The following SLC5A11 variants were observed in gnomAD, a reference collection of about 807,000 sequenced individuals.
SLC5A11 encodes solute carrier family 5 member 11, also known as sodium/myo-inositol cotransporter 2.
Under a neutral mutation model 69.8 loss-of-function variants are expected in SLC5A11, and 48 were observed. The observed-to-expected ratio is 0.69, with a 90% CI of 0.55 to 0.87. The LOEUF (loss-of-function observed/expected upper bound fraction) is 0.87. Among genes scored for constraint, SLC5A11 ranks in the 40% least tolerant of loss-of-function variants. The pLI, the probability that SLC5A11 is intolerant of heterozygous loss-of-function variation, is 0.00. For missense variants in SLC5A11, 784 were observed against 866.1 expected (o/e 0.91, Z 1.19); for synonymous variants, 319 against 342.4 (o/e 0.93, Z 0.75).
chr16:24,904,936 C>T (rs142809063), intron 10 of SLC5A11, among the ~76,000 whole-genome samples: 2,399 of 152,034 alleles, frequency 0.016, 37 homozygotes, highest in Non-Finnish European at 0.024. Context: ...CTCTCCCTCC[C>T]CTTGCCCTCC....
chr16:24,911,270 C>A, intron 15 of SLC5A11, 58 bp from the exon 17 acceptor site: 1 of 1,559,536 alleles, frequency 6.4e-7, no homozygotes, highest in Non-Finnish European at 8.8e-7. Context: ...GTCCCTGTCT[C>A]ACCTCTCTGG....
At chr16:24,876,216 A>G (rs1446730508) in intron 6 of SLC5A11, among the ~76,000 whole-genome samples, 3 of 151,848 alleles carry the variant, frequency 2.0e-5, no homozygotes, top group Non-Finnish European at 4.4e-5. Flanking sequence ...AAAAAAAAAA[A>G]AAGAAGAAAT....
At chr16:24,867,748 A>C (rs2047004509) in intron 3 of SLC5A11, among the ~76,000 whole-genome samples, 1 of 152,180 alleles carries the variant, frequency 6.6e-6, no homozygotes. Flanking sequence ...TTATATGCAA[A>C]AAATTAAACA....
At chr16:24,874,196 G>A (rs2047518255) in intron 5 of SLC5A11, among the ~76,000 whole-genome samples, 1 of 152,162 alleles carries the variant, frequency 6.6e-6, no homozygotes, top group South Asian at 2.1e-4. Context: ...ATCGTGTAGT[G>A]TGACTCACAT....
intron 6 of SLC5A11, chr16:24,876,919 C>T (rs1400875910): frequency 1.5e-5 from 3 of 199,820 alleles, no homozygotes; most frequent in Non-Finnish European, 2.7e-5. Context: ...ATCTTGGGGG[C>T]AATGGGGGAG....
intron 10 of SLC5A11, among the ~76,000 whole-genome samples, chr16:24,904,761 A>G (rs2049892831): frequency 6.6e-6 from 1 of 152,186 alleles, no homozygotes; most frequent in Non-Finnish European, 1.5e-5. Context: ...CCATCTGAGA[A>G]ATGGCACATA....
chr16:24,857,134 C>T (rs530823846), intron 1 of SLC5A11, among the ~76,000 whole-genome samples: 3 of 152,294 alleles, frequency 2.0e-5, no homozygotes, highest in Admixed American at 6.5e-5. Flanking sequence ...TGTACAGCTT[C>T]GGAGCCTGAA....
rs142742349 is a variant in SLC5A11 at position 24,893,556 on chromosome 16, T to C, written c.870+2482T>C. Among the ~76,000 whole-genome samples, 112 of 151,946 alleles carry C rather than the reference T, an allele frequency of 7.4e-4. No homozygotes were observed. The East Asian group carries it at 0.02, about 28-fold the overall frequency. ...TTCAGGTTTCTGAACTTCTTTTTTA[T>C]TATTTTTATTATTTATTATTATTTT... On this transcript the variant is annotated intron_variant, in intron 9 of 15. Coordinates refer to ENST00000347898, the Ensembl canonical transcript of SLC5A11.
rs749172893 is a variant in SLC5A11, at chr16:24,901,931, T to TACACAC, written c.1006+3843_1006+3848dup. The stretch of plus-strand genomic sequence containing the variant: ...AAGATCCCATCTCTGGAAAAAAAAA[T>TACACAC]ACACACACACACACACACACACACA... On this transcript the variant is annotated intron_variant, in intron 10 of 15. Transcript: ENST00000347898. Among the ~76,000 whole-genome samples, 549 of 138,032 alleles carry TACACAC rather than the reference T, an allele frequency of 4.0e-3. 4 individuals carry two copies. The highest frequency in any genetic ancestry group is 0.013 in the African/African-American group (452 of 34,588). 90.6% of individuals were successfully genotyped at this position (138,032 alleles called of 152,430 possible).
chr16:24,869,921 C>T, exon 4 of SLC5A11: 1 of 1,614,102 alleles, frequency 6.2e-7, no homozygotes. Context: ...CCTTGTTTGC[C>T]AGCAATGTTG....
intron 9 of SLC5A11, among the ~76,000 whole-genome samples, chr16:24,892,327 G>A (rs75900490): frequency 6.6e-6 from 1 of 151,856 alleles, no homozygotes; most frequent in Non-Finnish European, 1.5e-5. Flanking sequence ...GTGATTTTTG[G>A]AGGAAGAGTT....
intron 1 of SLC5A11, among the ~76,000 whole-genome samples, chr16:24,850,590 C>T (rs1348598085): frequency 2.6e-5 from 4 of 152,126 alleles, no homozygotes; most frequent in East Asian, 3.9e-4. Context: ...TTTTCCCCAC[C>T]AAGGTCCACG....
intron 6 of SLC5A11, among the ~76,000 whole-genome samples, chr16:24,876,179 G>C (rs2047659135): frequency 6.7e-6 from 1 of 149,196 alleles, no homozygotes; most frequent in Non-Finnish European, 1.5e-5. Context: ...CTGGGTGAAA[G>C]AGCGAGACTC....
chr16:24,856,677 A>C (rs2059549405), intron 1 of SLC5A11, among the ~76,000 whole-genome samples: 1 of 148,808 alleles, frequency 6.7e-6, no homozygotes, highest in South Asian at 2.2e-4. Flanking sequence ...AGGCTGAGGC[A>C]GGAGAATGGT....
intron 8 of SLC5A11, among the ~76,000 whole-genome samples, chr16:24,884,743 GTTGT>G (rs933185197): frequency 8.6e-5 from 13 of 150,904 alleles, no homozygotes; most frequent in African/African-American, 2.0e-4. Context: ...GGTTTTTGTT[GTTGT>G]TTGTTTGTTT....
chr16:24,848,239 G>C (rs2059114451), intron 1 of SLC5A11, among the ~76,000 whole-genome samples: 1 of 152,176 alleles, frequency 6.6e-6, no homozygotes, highest in Non-Finnish European at 1.5e-5. Flanking sequence ...GCAGCATGGA[G>C]ATGTTTTGAG....
intron 10 of SLC5A11, among the ~76,000 whole-genome samples, chr16:24,903,724 G>C (rs1455213520): frequency 6.6e-6 from 1 of 152,282 alleles, no homozygotes; most frequent in African/African-American, 2.4e-5. Context: ...AGTCCACTCT[G>C]TATGTATATG....
At chr16:24,907,664 C>G (rs149860173) in intron 12 of SLC5A11, among the ~76,000 whole-genome samples, 1 of 151,612 alleles carries the variant, frequency 6.6e-6, no homozygotes, top group Non-Finnish European at 1.5e-5. Context: ...GCCAAGATGA[C>G]GCACTGCACT....
exon 12 of SLC5A11, chr16:24,907,053 G>T: frequency 6.2e-7 from 1 of 1,614,100 alleles, no homozygotes; most frequent in Non-Finnish European, 8.5e-7. Flanking sequence ...TGGCTGTGAT[G>T]GTGGCGGCTC....
Sources: allele counts gnomAD v4.1 joint callset (sites outside exome capture counted in the v4.1 genomes callset), GRCh38; gene constraint gnomAD v4.1.1; transcripts MANE v1.5; gene names NCBI Gene and HGNC (gene_info 2026-07-23, HGNC 2026-07-21).